SORCS2: variants seen among roughly 807,000 people sequenced by gnomAD.
SORCS2 encodes the protein sortilin related VPS10 domain containing receptor 2.
A neutral mutation model predicts 141.6 loss-of-function variants in SORCS2; 100 were observed. That is an observed-to-expected ratio of 0.71 (90% CI 0.60 to 0.83). The LOEUF is 0.83. Among genes scored for constraint, SORCS2 ranks in the 40% least tolerant of loss-of-function variants. SORCS2 has a pLI of 0.00. For synonymous variants in SORCS2, 789 were observed against 676.9 expected (o/e 1.17, Z -2.57); for missense variants, 1,646 against 1,560.2 (o/e 1.05, Z -0.93).
chr4:7,229,624 C>T (rs1307818519), intron 1 of SORCS2, among the ~76,000 whole-genome samples: 1 of 152,236 alleles, frequency 6.6e-6, no homozygotes, highest in East Asian at 1.9e-4. Flanking sequence ...GCATAGAGGG[C>T]TGAGGTCACT....
At chr4:7,605,223 G>A (rs1326312926) in intron 3 of SORCS2, among the ~76,000 whole-genome samples, 1 of 152,210 alleles carries the variant, frequency 6.6e-6, no homozygotes, top group Non-Finnish European at 1.5e-5. Context: ...CGTTGGAAAG[G>A]AGGAAAAGGG....
intron 1 of SORCS2, among the ~76,000 whole-genome samples, chr4:7,321,302 C>T (rs1718879071): frequency 6.6e-6 from 1 of 152,138 alleles, no homozygotes; most frequent in East Asian, 1.9e-4. Context: ...GAGTAGTATT[C>T]CATGGTGTAT....
At chr4:7,500,562 G>A (rs1577664369) in intron 2 of SORCS2, among the ~76,000 whole-genome samples, 1 of 128,952 alleles carries the variant, frequency 7.8e-6, no homozygotes, top group Non-Finnish European at 1.6e-5. Context: ...TCAGTGTGCC[G>A]GCTGGAGAAA....
intron 1 of SORCS2, among the ~76,000 whole-genome samples, chr4:7,335,422 G>A (rs1394240011): frequency 6.6e-6 from 1 of 152,238 alleles, no homozygotes; most frequent in Non-Finnish European, 1.5e-5. Context: ...ACATGGGAGA[G>A]GAATTCCTCC....
At chr4:7,207,414 G>A (rs1727807920) in intron 1 of SORCS2, among the ~76,000 whole-genome samples, 1 of 152,208 alleles carries the variant, frequency 6.6e-6, no homozygotes, top group Non-Finnish European at 1.5e-5. Context: ...CGCCTGGCCA[G>A]GGCCCAGCTG....
At chr4:7,698,215 G>A (rs1202898846) in intron 12 of SORCS2, among the ~76,000 whole-genome samples, 3 of 152,142 alleles carry the variant, frequency 2.0e-5, no homozygotes, top group Non-Finnish European at 4.4e-5. Flanking sequence ...TTTATATACT[G>A]GGGAAATGAA....
At chr4:7,415,010 T>C (rs1725567911) in intron 2 of SORCS2, among the ~76,000 whole-genome samples, 1 of 152,098 alleles carries the variant, frequency 6.6e-6, no homozygotes, top group Non-Finnish European at 1.5e-5. Context: ...GAGAGTCTTA[T>C]TTACATGAGA....
At chr4:7,377,079 G>A (rs1184397315) in intron 1 of SORCS2, among the ~76,000 whole-genome samples, 1 of 152,188 alleles carries the variant, frequency 6.6e-6, no homozygotes, top group Non-Finnish European at 1.5e-5. Flanking sequence ...GTATGCGTGT[G>A]GAAGTATAGG....
At chr4:7,694,027 G>A (rs909540946) in intron 11 of SORCS2, among the ~76,000 whole-genome samples, 6 of 152,232 alleles carry the variant, frequency 3.9e-5, no homozygotes, top group African/African-American at 9.6e-5. Flanking sequence ...GGTGATCGCC[G>A]GTGCTCCCTG....
chr4:7,731,174 A>G (rs1273942452), intron 23 of SORCS2, among the ~76,000 whole-genome samples: 1 of 152,258 alleles, frequency 6.6e-6, no homozygotes, highest in Non-Finnish European at 1.5e-5. Flanking sequence ...AGCATCAAAA[A>G]TTAAAAGCAG....
intron 2 of SORCS2, among the ~76,000 whole-genome samples, chr4:7,501,023 T>C (rs1166480029): frequency 1.3e-5 from 2 of 152,234 alleles, no homozygotes; most frequent in Non-Finnish European, 2.9e-5. Context: ...CCGCTACAGC[T>C]GTAGCATCTC....
chr4:7,604,891 C>G (rs1012167489), intron 3 of SORCS2, among the ~76,000 whole-genome samples: 24 of 152,218 alleles, frequency 1.6e-4, no homozygotes, highest in African/African-American at 5.8e-4. Context: ...TTCTTCTAAG[C>G]TGGCTCCTCT....
At chr4:7,546,609 A>G (rs1482073786) in intron 3 of SORCS2, among the ~76,000 whole-genome samples, 4 of 152,162 alleles carry the variant, frequency 2.6e-5, no homozygotes, top group Non-Finnish European at 5.9e-5. Context: ...TGACCGTGAC[A>G]CCTGGCCCCC....
rs1439184045 is a variant in SORCS2 at position 7,422,972 on chromosome 4, G to A, written c.548+26617G>A. Among the ~76,000 whole-genome samples, 4 of 141,694 alleles carry A rather than the reference G, an allele frequency of 2.8e-5. 1 individual carries two copies. Among genetic ancestry groups the A allele is most frequent in the Admixed American group, 2.1e-4 (3 of 14,080 alleles). 93.0% of individuals were successfully genotyped at this position (141,694 alleles called of 152,430 possible). A position where few individuals can be genotyped will look rare whatever the true frequency, so the allele number is the denominator to read the frequency against. ...TCTCTAAAGGCCCTAGTATGTACCC[G>A]CCCCAGCACCTGCCACCCCTCCCCT... On this transcript the variant is annotated intron_variant, in intron 2 of 26. Coordinates refer to ENST00000507866, the MANE Select transcript of SORCS2 (RefSeq NM_020777.3).
chr4:7,271,329 C>T (rs1434997091), intron 1 of SORCS2, among the ~76,000 whole-genome samples: 1 of 152,178 alleles, frequency 6.6e-6, no homozygotes, highest in East Asian at 1.9e-4. Context: ...AGCCCCTGTT[C>T]CTATTCAGCC....
chr4:7,473,065 G>C lies in SORCS2; in HGVS notation c.549-58465G>C, dbSNP rs375056268. 2.6e-5 allele frequency among the ~76,000 whole-genome samples: 4 copies of C among 151,886 alleles called. No individual in the cohort carries two copies. In the East Asian group the frequency reaches 5.8e-4, roughly 22 times the overall value. ...GTAGAGTTTGCTCAGGATATCGGCC[G>C]ACCTTCCTTGTGGCCATTGATTATT... On this transcript the variant is annotated intron_variant, in intron 2 of 26. Transcript: ENST00000507866.
intron 1 of SORCS2, among the ~76,000 whole-genome samples, chr4:7,244,512 C>T (rs1712946586): frequency 6.6e-6 from 1 of 152,246 alleles, no homozygotes; most frequent in South Asian, 2.1e-4. Flanking sequence ...GCCCGGCAGG[C>T]CTGCCAAGGC....
At chr4:7,493,112 T>A (rs1731408520) in intron 2 of SORCS2, among the ~76,000 whole-genome samples, 1 of 152,164 alleles carries the variant, frequency 6.6e-6, no homozygotes, top group Admixed American at 6.5e-5. Context: ...CCATCCAGAA[T>A]TAAGAAACAA....
chr4:7,635,952 T>C (rs1294657669), intron 3 of SORCS2, among the ~76,000 whole-genome samples: 3 of 152,242 alleles, frequency 2.0e-5, no homozygotes, highest in Non-Finnish European at 4.4e-5. Flanking sequence ...TCACCATTCA[T>C]TCACTTAAAC....
Sources: allele counts gnomAD v4.1 joint callset (sites outside exome capture counted in the v4.1 genomes callset), GRCh38; gene constraint gnomAD v4.1.1; transcripts MANE v1.5; gene names NCBI Gene and HGNC (gene_info 2026-07-23, HGNC 2026-07-21).